The following PDE4B variants were observed in gnomAD, a reference collection of about 807,000 sequenced individuals.
The protein encoded by PDE4B is 3',5'-cyclic-AMP phosphodiesterase 4B.
PDE4B carries 20 observed loss-of-function variants against 82.2 expected under a neutral mutation model. That is an observed-to-expected ratio of 0.24 (90% CI 0.17 to 0.35). The LOEUF is 0.35. Among genes scored for constraint, PDE4B ranks in the 10% least tolerant of loss-of-function variants. The pLI is 1.00. For missense variants in PDE4B, 655 were observed against 907.2 expected, an observed-to-expected ratio of 0.72 and a Z score of 3.57; for synonymous variants, 320 against 318.9, an observed-to-expected ratio of 1.00 and a Z score of -0.04.
intron 3 of PDE4B, among the ~76,000 whole-genome samples, chr1:66,196,617 G>T (rs112833473): frequency 4.3e-4 from 65 of 152,186 alleles, no homozygotes; most frequent in African/African-American, 1.5e-3. Flanking sequence ...TCACAAAAAA[G>T]AAAAGTCAGC....
At chr1:66,138,537 C>T (rs1646106731) in intron 3 of PDE4B, among the ~76,000 whole-genome samples, 1 of 151,952 alleles carries the variant, frequency 6.6e-6, no homozygotes, top group South Asian at 2.1e-4. Flanking sequence ...TCTACAGATT[C>T]AAAAGAAAAG....
At chr1:65,839,956 TTG>T (rs1646187969) in intron 1 of PDE4B, among the ~76,000 whole-genome samples, 1 of 152,196 alleles carries the variant, frequency 6.6e-6, no homozygotes, top group Admixed American at 6.5e-5. Flanking sequence ...TTTTTAATGA[TTG>T]CAATTCTAAC....
intron 3 of PDE4B, among the ~76,000 whole-genome samples, chr1:65,920,966 T>TC (rs1287376747): frequency 1.5e-5 from 2 of 131,640 alleles, no homozygotes; most frequent in Non-Finnish European, 3.3e-5. Context: ...TTTCTTTTTT[T>TC]TTTTTTTTTT....
intron 3 of PDE4B, among the ~76,000 whole-genome samples, chr1:66,245,588 C>T (rs139118230): frequency 3.1e-3 from 477 of 152,304 alleles, no homozygotes; most frequent in African/African-American, 0.01. Flanking sequence ...TGGCTAACAA[C>T]GTAGCTCTGC....
At chr1:66,074,622 C>T (rs946344317) in intron 3 of PDE4B, among the ~76,000 whole-genome samples, 1 of 152,034 alleles carries the variant, frequency 6.6e-6, no homozygotes, top group Non-Finnish European at 1.5e-5. Context: ...ACCCATTGAA[C>T]CAGTTGCTCC....
chr1:66,292,947 C>T (rs1657200752), intron 7 of PDE4B, among the ~76,000 whole-genome samples: 1 of 152,026 alleles, frequency 6.6e-6, no homozygotes, highest in African/African-American at 2.4e-5. Flanking sequence ...GCCAGAGCTC[C>T]CTGGAAGTAA....
At chr1:66,360,259 T>C (rs1315632708) in intron 9 of PDE4B, among the ~76,000 whole-genome samples, 2 of 151,968 alleles carry the variant, frequency 1.3e-5, no homozygotes, top group Non-Finnish European at 2.9e-5. Context: ...CTAGAGACAA[T>C]ACTGATATGT....
At chr1:65,829,044 G>T (rs1646051170) in intron 1 of PDE4B, among the ~76,000 whole-genome samples, 2 of 152,040 alleles carry the variant, frequency 1.3e-5, no homozygotes, top group Admixed American at 6.5e-5. Flanking sequence ...AGATCCATCT[G>T]TATGCAATGT....
intron 3 of PDE4B, among the ~76,000 whole-genome samples, chr1:66,102,000 A>G (rs1481829446): frequency 6.6e-6 from 1 of 152,064 alleles, no homozygotes. Flanking sequence ...ATCTTGAATT[A>G]ATTTTTGTAT....
intron 2 of PDE4B, 95 bp from the exon 3 acceptor site, chr1:65,918,502 G>T: frequency 1.4e-6 from 1 of 726,112 alleles, no homozygotes; most frequent in Non-Finnish European, 2.4e-6. Flanking sequence ...CATCATAAGT[G>T]ACAGCTTGAT....
intron 1 of PDE4B, among the ~76,000 whole-genome samples, chr1:65,863,938 G>A (rs1646482294): frequency 6.6e-6 from 1 of 151,956 alleles, no homozygotes; most frequent in African/African-American, 2.4e-5. Context: ...ACACTGATGG[G>A]TCTTTATCCA....
intron 1 of PDE4B, among the ~76,000 whole-genome samples, chr1:65,835,650 C>G (rs1199451886): frequency 1.3e-5 from 2 of 151,982 alleles, no homozygotes; most frequent in Non-Finnish European, 2.9e-5. Context: ...CCAGTTTGGC[C>G]ACATTTAAAA....
chr1:65,831,841 G>A (rs1206028183), intron 1 of PDE4B, among the ~76,000 whole-genome samples: 3 of 152,222 alleles, frequency 2.0e-5, no homozygotes, highest in Non-Finnish European at 4.4e-5. Flanking sequence ...AGAGCTAAAT[G>A]AAAGCAAAAA....
intron 7 of PDE4B, among the ~76,000 whole-genome samples, chr1:66,296,771 C>T (rs1026233249): frequency 1.3e-5 from 2 of 152,124 alleles, no homozygotes; most frequent in Non-Finnish European, 2.9e-5. Context: ...ATCAATAATT[C>T]ATAGCAGCTC....
At chr1:65,921,999 A>C (rs1647266848) in intron 3 of PDE4B, among the ~76,000 whole-genome samples, 1 of 152,360 alleles carries the variant, frequency 6.6e-6, no homozygotes, top group Non-Finnish European at 1.5e-5. Flanking sequence ...TTATATAAAA[A>C]CATTAACATG....
At chr1:66,007,456 C>T (rs775567584) in intron 3 of PDE4B, among the ~76,000 whole-genome samples, 15 of 149,988 alleles carry the variant, frequency 1.0e-4, no homozygotes, top group African/African-American at 1.3e-4. Context: ...AACAACCCCC[C>T]CCAACCAAAA....
At chr1:66,171,203 C>T (rs1347887706) in intron 3 of PDE4B, among the ~76,000 whole-genome samples, 1 of 151,880 alleles carries the variant, frequency 6.6e-6, no homozygotes, top group Admixed American at 6.6e-5. Context: ...CAGAGACATT[C>T]AAGGAAAAGG....
At position 66,290,813 on chromosome 1, in the gene PDE4B, C is replaced by T. The variant is rs146962506; in HGVS notation, c.634+24726C>T. On this transcript the variant is annotated intron_variant, in intron 7 of 16. Coordinates refer to ENST00000341517, the MANE Select transcript of PDE4B (RefSeq NM_002600.4). ...AAACCTTCCACCCACCAGGCTACCC[C>T]TCAATCCCTGCTCAGAAGCAGAAAC... is the stretch of plus-strand genomic sequence containing the variant. Among the ~76,000 whole-genome samples the T allele has an allele frequency of 4.0e-3, 611 of 152,272 alleles. 5 individuals are homozygous for T. The highest frequency in any genetic ancestry group is 0.014 in the African/African-American group (575 of 41,548).
intron 3 of PDE4B, among the ~76,000 whole-genome samples, chr1:65,933,587 G>C (rs1408803514): frequency 2.0e-5 from 3 of 152,126 alleles, no homozygotes; most frequent in African/African-American, 2.4e-5. Context: ...CCAGCTACTT[G>C]GGAGGCTGAG....
Sources: allele counts gnomAD v4.1 joint callset (sites outside exome capture counted in the v4.1 genomes callset), GRCh38; gene constraint gnomAD v4.1.1; transcripts MANE v1.5; gene names NCBI Gene and HGNC (gene_info 2026-07-23, HGNC 2026-07-21).